Variants in TMPRSS15 observed in about 807,000 individuals in gnomAD.
The protein encoded by TMPRSS15 is enteropeptidase.
A neutral mutation model predicts 125.3 loss-of-function variants in TMPRSS15; 128 were observed. The observed-to-expected ratio is 1.02, with a 90% CI of 0.89 to 1.18. TMPRSS15 has a LOEUF of 1.18. Ranked by LOEUF, TMPRSS15 falls within the 50% of genes most tolerant of loss-of-function variation. The pLI is 0.00. For synonymous variants in TMPRSS15, 446 were observed against 423.2 expected (o/e 1.05, Z -0.66); for missense variants, 1,283 against 1,212.7 (o/e 1.06, Z -0.86).
At chr21:18,317,503 G>A (rs973013760) in intron 16 of TMPRSS15, among the ~76,000 whole-genome samples, 3 of 152,040 alleles carry the variant, frequency 2.0e-5, no homozygotes, top group African/African-American at 7.2e-5. Context: ...TGCCCTAAGA[G>A]AATCAATTCC....
chr21:18,297,275 A>G (rs530553808), intron 19 of TMPRSS15, among the ~76,000 whole-genome samples: 65 of 152,346 alleles, frequency 4.3e-4, no homozygotes, highest in South Asian at 1.9e-3. Flanking sequence ...TTCATTTAAT[A>G]TTCATGATCT....
intron 6 of TMPRSS15, among the ~76,000 whole-genome samples, chr21:18,370,094 TA>T (rs2075777706): frequency 6.6e-6 from 1 of 152,040 alleles, no homozygotes; most frequent in South Asian, 2.1e-4. Flanking sequence ...TTCATGTTAC[TA>T]AAAAGTAACA....
At chr21:18,283,710 T>A (rs1359688733) in intron 21 of TMPRSS15, among the ~76,000 whole-genome samples, 2 of 152,150 alleles carry the variant, frequency 1.3e-5, no homozygotes, top group Non-Finnish European at 2.9e-5. Context: ...ATCTTCAGAA[T>A]TTTTCATATA....
In TMPRSS15 at chr21:18,332,105, T is replaced by C. The variant is rs8134187; in HGVS notation, c.1633A>G (p.Ser545Gly). 3 of 1,613,880 alleles carry C rather than the reference T, an allele frequency of 1.9e-6. No homozygotes were observed. The African/African-American group carries it at 4.0e-5, about 22-fold the overall frequency. ...TCACAGAAAGCCAGATTAGGGTAGCTGTTTGGAAAGTTCGTAGAACTGAAT... is the reference window on the plus strand; with the variant it reads ...TCACAGAAAGCCAGATTAGGGTAGCCGTTTGGAAAGTTCGTAGAACTGAAT... ...TTFSSTNFPN[S>G]YPNLAFCVWI... Residue 545 changes from serine to glycine, a missense_variant, in exon 14 of 25, where the codon AGC (serine) becomes GGC (glycine). Coordinates refer to ENST00000284885, the MANE Select transcript of TMPRSS15 (RefSeq NM_002772.3).
chr21:18,372,425 T>A, intron 5 of TMPRSS15, 101 bp from the exon 6 acceptor site: 1 of 986,586 alleles, frequency 1.0e-6, no homozygotes, highest in Non-Finnish European at 1.6e-6. Flanking sequence ...CTTATAAGTA[T>A]GTTCTTCAAC....
At chr21:18,421,768 G>A (rs1601457268) in intron 1 of TMPRSS15, among the ~76,000 whole-genome samples, 1 of 152,116 alleles carries the variant, frequency 6.6e-6, no homozygotes, top group Non-Finnish European at 1.5e-5. Flanking sequence ...TGATACAAAA[G>A]TTTCCCCAGG....
At chr21:18,453,131 C>T (rs1418153120) in intron 1 of TMPRSS15, among the ~76,000 whole-genome samples, 1 of 152,208 alleles carries the variant, frequency 6.6e-6, no homozygotes, top group Admixed American at 6.5e-5. Flanking sequence ...TTTGCAATGT[C>T]ACATGTCAAT....
chr21:18,381,372 T>A (rs888200905), intron 4 of TMPRSS15, among the ~76,000 whole-genome samples: 3 of 152,116 alleles, frequency 2.0e-5, no homozygotes, highest in Non-Finnish European at 4.4e-5. Flanking sequence ...TATGGTTAAA[T>A]TTTTTATGTT....
In TMPRSS15 at chr21:18,388,674, T is replaced by C. The variant is rs190283844; in HGVS notation, c.345-4896A>G. Among the ~76,000 whole-genome samples, 4 of 152,282 alleles carry C rather than the reference T, an allele frequency of 2.6e-5. No homozygotes were observed. In the East Asian group the frequency reaches 7.7e-4, roughly 29 times the overall value. On this transcript the variant is annotated intron_variant, in intron 3 of 24. Coordinates refer to ENST00000284885, the MANE Select transcript of TMPRSS15 (RefSeq NM_002772.3). ...AAATAAATCTGAATTGATGCTTTAC[T>C]GCAGCTCTCCAGACTCAATCCTCTA...
intron 1 of TMPRSS15, among the ~76,000 whole-genome samples, chr21:18,481,676 A>G (rs180857475): frequency 6.6e-6 from 1 of 151,868 alleles, no homozygotes; most frequent in African/African-American, 2.4e-5. Flanking sequence ...GTGCAGTTCT[A>G]TTAGTAAAAC....
upstream of TMPRSS15, among the ~76,000 whole-genome samples, chr21:18,405,137 G>A (rs866561412): frequency 7.2e-5 from 11 of 151,956 alleles, no homozygotes; most frequent in African/African-American, 1.9e-4. Flanking sequence ...ATCATATAGC[G>A]CTTTAAGTTA....
chr21:18,301,060 T>C (rs2074966958), intron 18 of TMPRSS15, among the ~76,000 whole-genome samples: 1 of 152,238 alleles, frequency 6.6e-6, no homozygotes, highest in Non-Finnish European at 1.5e-5. Flanking sequence ...TATGTCGTCT[T>C]GGGTTATTTA....
chr21:18,303,183 G>A (rs2074991625), intron 18 of TMPRSS15, among the ~76,000 whole-genome samples: 1 of 152,044 alleles, frequency 6.6e-6, no homozygotes, highest in African/African-American at 2.4e-5. Flanking sequence ...GACCTTTCAT[G>A]TTTTGTAGAT....
intron 16 of TMPRSS15, among the ~76,000 whole-genome samples, chr21:18,325,597 T>C (rs748748290): frequency 6.6e-6 from 1 of 151,922 alleles, no homozygotes; most frequent in Non-Finnish European, 1.5e-5. Flanking sequence ...ATCAATTCCA[T>C]AAATATTTCT....
intron 1 of TMPRSS15, among the ~76,000 whole-genome samples, chr21:18,477,114 G>T (rs116519569): frequency 0.018 from 2,693 of 152,188 alleles, 83 homozygotes; most frequent in African/African-American, 0.062. Flanking sequence ...TTGACCAGTG[G>T]CTCTTAAAGT....
At chr21:18,432,869 T>C (rs550937576) in intron 1 of TMPRSS15, among the ~76,000 whole-genome samples, 1 of 152,298 alleles carries the variant, frequency 6.6e-6, no homozygotes, top group Admixed American at 6.5e-5. Flanking sequence ...AATTCTTCTC[T>C]AGTTTTTATA....
At chr21:18,295,717 C>G (rs915174721) in intron 19 of TMPRSS15, among the ~76,000 whole-genome samples, 3 of 152,184 alleles carry the variant, frequency 2.0e-5, no homozygotes, top group African/African-American at 7.2e-5. Flanking sequence ...TTTTTAGTAA[C>G]TAGTGTGCAT....
chr21:18,391,447 G>A (rs1276520528), intron 3 of TMPRSS15, among the ~76,000 whole-genome samples: 1 of 152,200 alleles, frequency 6.6e-6, no homozygotes, highest in Middle Eastern at 3.2e-3. Context: ...AATCCAGCAG[G>A]GCAGTCATTA....
chr21:18,366,231 G>A (rs1343848250), intron 6 of TMPRSS15, among the ~76,000 whole-genome samples: 1 of 152,080 alleles, frequency 6.6e-6, no homozygotes, highest in Non-Finnish European at 1.5e-5. Flanking sequence ...ATGTTTTCTT[G>A]AAAAAGATTA....
Sources: gnomAD v4.1 joint callset for allele counts (sites outside exome capture counted in the v4.1 genomes callset) on GRCh38, gnomAD v4.1.1 for gene constraint, MANE v1.5 for transcripts, NCBI Gene and HGNC (gene_info 2026-07-23, HGNC 2026-07-21) for gene names.